Variants in DNAJC24 observed in about 807,000 individuals in gnomAD.
The protein encoded by DNAJC24 is DnaJ heat shock protein family (Hsp40) member C24, also known as dnaJ homolog subfamily C member 24.
In DNAJC24, 17 loss-of-function variants were observed where a neutral mutation model predicts 18.0. The observed-to-expected ratio is 0.94, with a 90% CI of 0.65 to 1.42. DNAJC24 has a LOEUF of 1.42. DNAJC24 is among the 40% of genes most tolerant of loss of function. The pLI, the probability that DNAJC24 is intolerant of heterozygous loss-of-function variation, is 0.00. For missense variants in DNAJC24, 158 were observed against 175.6 expected (o/e 0.90, Z 0.57); for synonymous variants, 55 against 57.7 (o/e 0.95, Z 0.21).
intron 2 of DNAJC24, among the ~76,000 whole-genome samples, chr11:31,405,478 G>A (rs775797203): frequency 6.6e-6 from 1 of 151,480 alleles, no homozygotes; most frequent in Non-Finnish European, 1.5e-5. Flanking sequence ...CCACAGACTA[G>A]CTAATCTTTT....
intron 2 of DNAJC24, among the ~76,000 whole-genome samples, chr11:31,405,074 TG>T (rs55644916): frequency 0.25 from 34,539 of 135,800 alleles, 5,054 homozygotes; most frequent in Non-Finnish European, 0.32. Flanking sequence ...TTCTTTTTTT[TG>T]TTTTTTTTTT....
chr11:31,406,831 G>A (rs956782584), intron 2 of DNAJC24, among the ~76,000 whole-genome samples: 3 of 152,260 alleles, frequency 2.0e-5, no homozygotes, highest in African/African-American at 7.2e-5. Flanking sequence ...TTCATGGGAG[G>A]AGGGAAAGAG....
chr11:31,426,207 C>T (rs1952859573), intron 3 of DNAJC24, 80 bp from the exon 4 acceptor site: 36 of 865,742 alleles, frequency 4.2e-5, no homozygotes, highest in Non-Finnish European at 5.5e-5. Context: ...GCCAGGCTGG[C>T]GTTGCCTTTT....
intron 4 of DNAJC24, chr11:31,429,378 G>A: frequency 3.6e-6 from 1 of 277,842 alleles, no homozygotes; most frequent in Admixed American, 3.5e-5. Flanking sequence ...ATAATGGAAT[G>A]AAGATATTTG....
At chr11:31,378,520 C>G (rs1952341850) in intron 2 of DNAJC24, among the ~76,000 whole-genome samples, 1 of 152,034 alleles carries the variant, frequency 6.6e-6, no homozygotes, top group Non-Finnish European at 1.5e-5. Flanking sequence ...ATTATTATTT[C>G]TAATATATAG....
chr11:31,397,348 ACAT>A (rs1215129109), intron 2 of DNAJC24, among the ~76,000 whole-genome samples: 1 of 152,236 alleles, frequency 6.6e-6, no homozygotes. Context: ...GAGTTTAAAA[ACAT>A]TTTAAAAACC....
At position 31,374,632 on chromosome 11, in the gene DNAJC24, G is replaced by C. The variant is rs894438054; in HGVS notation, c.111+3773G>C. Reference sequence around the variant, plus strand: ...CCCCATAAAATGAATTGTGATTTCTGGCTTTATAGTGAGGAAGAGAGGTGG... The same window carrying C: ...CCCCATAAAATGAATTGTGATTTCTCGCTTTATAGTGAGGAAGAGAGGTGG... On this transcript the variant is annotated intron_variant, in intron 2 of 4. Transcript: ENST00000465995. Among the ~76,000 whole-genome samples, 2 of 134,296 alleles carry C rather than the reference G, an allele frequency of 1.5e-5. 1 individual carries two copies. The highest frequency in any genetic ancestry group is 3.4e-5 in the Non-Finnish European group (2 of 58,124). 88.1% of individuals were successfully genotyped at this position (134,296 alleles called of 152,430 possible).
intron 2 of DNAJC24, among the ~76,000 whole-genome samples, chr11:31,413,009 T>C (rs1166376064): frequency 1.3e-5 from 2 of 152,204 alleles, no homozygotes; most frequent in Non-Finnish European, 2.9e-5. Context: ...TGACTCAATT[T>C]ACTGAGTGAC....
intron 2 of DNAJC24, among the ~76,000 whole-genome samples, chr11:31,385,847 A>T (rs1952424420): frequency 6.6e-6 from 1 of 152,202 alleles, no homozygotes. Flanking sequence ...GGCATGGAGT[A>T]GGATAGGAAA....
At chr11:31,388,351 G>A (rs1452891389) in intron 2 of DNAJC24, among the ~76,000 whole-genome samples, 1 of 152,126 alleles carries the variant, frequency 6.6e-6, no homozygotes, top group Non-Finnish European at 1.5e-5. Flanking sequence ...GACAAAGAGA[G>A]GATCCTAAAA....
intron 2 of DNAJC24, among the ~76,000 whole-genome samples, chr11:31,395,125 A>G (rs535472773): frequency 6.6e-6 from 1 of 152,298 alleles, no homozygotes; most frequent in African/African-American, 2.4e-5. Flanking sequence ...AAATGAGAAC[A>G]TGCAGTACTT....
chr11:31,389,011 G>C (rs1288650037), intron 2 of DNAJC24, among the ~76,000 whole-genome samples: 2 of 151,586 alleles, frequency 1.3e-5, no homozygotes, highest in Non-Finnish European at 2.9e-5. Context: ...ACATACAATG[G>C]CTACACAAAA....
At chr11:31,399,345 A>G (rs547370495) in intron 2 of DNAJC24, among the ~76,000 whole-genome samples, 3 of 152,046 alleles carry the variant, frequency 2.0e-5, no homozygotes, top group Non-Finnish European at 1.5e-5. Context: ...TAATTCAACC[A>G]CGTATCTTAA....
rs537024446 is a variant in DNAJC24 at position 31,375,146 on chromosome 11, G to A, written c.111+4287G>A. 2.2e-5 allele frequency among the ~76,000 whole-genome samples: 3 copies of A among 134,440 alleles called. 1 individual carries two copies. Among genetic ancestry groups the A allele is most frequent in the South Asian group, 5.0e-4 (2 of 3,976 alleles). 88.2% of individuals were successfully genotyped at this position (134,440 alleles called of 152,430 possible). A position where few individuals can be genotyped will look rare whatever the true frequency, so the allele number is the denominator to read the frequency against. On this transcript the variant is annotated intron_variant, in intron 2 of 4. Transcript: ENST00000465995. ...GTGAGATATGATTGTGTCACTGCACGCCAGCCTGGGCGACAGAGCAAGACC... is the reference window on the plus strand; with the variant it reads ...GTGAGATATGATTGTGTCACTGCACACCAGCCTGGGCGACAGAGCAAGACC...
chr11:31,409,689 G>A (rs897257738), intron 2 of DNAJC24, among the ~76,000 whole-genome samples: 1 of 152,056 alleles, frequency 6.6e-6, no homozygotes, highest in Non-Finnish European at 1.5e-5. Context: ...TAGTAAGACT[G>A]TTATGAATAA....
intron 2 of DNAJC24, among the ~76,000 whole-genome samples, chr11:31,410,944 A>G (rs955813929): frequency 1.4e-4 from 21 of 152,208 alleles, no homozygotes; most frequent in Admixed American, 5.2e-4. Flanking sequence ...ATATTAATTA[A>G]TGCTTTAGAT....
chr11:31,397,669 A>G (rs1411224640), intron 2 of DNAJC24, among the ~76,000 whole-genome samples: 1 of 152,162 alleles, frequency 6.6e-6, no homozygotes. Flanking sequence ...TTGCCTGTCT[A>G]AACTATATTC....
intron 2 of DNAJC24, among the ~76,000 whole-genome samples, chr11:31,379,571 T>C (rs765358585): frequency 4.6e-5 from 7 of 152,186 alleles, no homozygotes; most frequent in Non-Finnish European, 5.9e-5. Context: ...TCATAATGGA[T>C]GCAATTTAAA....
At chr11:31,427,486 G>C (rs913963045) in intron 4 of DNAJC24, 1 of 152,102 alleles carries the variant, frequency 6.6e-6, no homozygotes. Flanking sequence ...TTCACTGCTG[G>C]TGTGTGGAAG....
Sources: gnomAD v4.1 joint callset for allele counts (sites outside exome capture counted in the v4.1 genomes callset) on GRCh38, gnomAD v4.1.1 for gene constraint, MANE v1.5 for transcripts, NCBI Gene and HGNC (gene_info 2026-07-23, HGNC 2026-07-21) for gene names.